Variants in TNN observed in about 807,000 individuals in gnomAD.
TNN encodes tenascin-N.
A neutral mutation model predicts 134.4 loss-of-function variants in TNN; 122 were observed. The observed-to-expected ratio is 0.91, with a 90% CI of 0.78 to 1.06. The LOEUF is 1.06. TNN is among the 50% of genes least tolerant of loss of function. The pLI is 0.00. For missense variants in TNN, 1,739 were observed against 1,699.4 expected (o/e 1.02, Z -0.41); for synonymous variants, 710 against 670.3 (o/e 1.06, Z -0.91).
intron 9 of TNN, among the ~76,000 whole-genome samples, chr1:175,108,044 GTAT>G (rs929860620): frequency 1.3e-5 from 2 of 151,376 alleles, no homozygotes; most frequent in African/African-American, 4.9e-5. Context: ...GCTGATTGGT[GTAT>G]TTACAAACCT....
rs757756990 is a variant in TNN at position 175,117,129 on chromosome 1, T to C, written c.2310T>C (p.Gly770=). ...CTGTCCTGACGGGCCTGAGGCCGGG[T>C]GTGGAGTACACGGTGCACGTGTGGG... The part of the protein sequence containing the change: ...SSTVLTGLRP[G]VEYTVHVWAQ... Residue 770 remains glycine, a synonymous_variant, in exon 10 of 19, where the codon GGT becomes GGC. Transcript: ENST00000239462. 9.3e-6 allele frequency: 15 copies of C among 1,613,972 alleles called. No individual in the cohort carries two copies. Among genetic ancestry groups the C allele is most frequent in the East Asian group, 6.7e-5 (3 of 44,902 alleles).
At chr1:175,104,050 C>G (rs1382605048) in intron 9 of TNN, among the ~76,000 whole-genome samples, 2 of 145,960 alleles carry the variant, frequency 1.4e-5, no homozygotes, top group East Asian at 4.6e-4. Context: ...CTAATATATC[C>G]CTCCCTAATA....
At chr1:175,109,072 A>ATTTTTTTTTTTTTTTTTTTTT (rs1160268455) in intron 9 of TNN, among the ~76,000 whole-genome samples, 6 of 61,982 alleles carry the variant, frequency 9.7e-5, no homozygotes, top group African/African-American at 1.3e-4. Context: ...ATCTAACTGT[A>ATTTTTTTTTTTTTTTTTTTTT]TTTTTTTTTT....
At chr1:175,078,581 C>A (rs1008844605) in intron 2 of TNN, among the ~76,000 whole-genome samples, 3 of 152,118 alleles carry the variant, frequency 2.0e-5, no homozygotes, top group Non-Finnish European at 4.4e-5. Flanking sequence ...ATACAGAACT[C>A]GGCACCAGGG....
At chr1:175,093,050 T>A (rs1674490404) in intron 6 of TNN, among the ~76,000 whole-genome samples, 2 of 152,158 alleles carry the variant, frequency 1.3e-5, no homozygotes, top group Admixed American at 1.3e-4. Context: ...TCAGATCAGG[T>A]CATTCCTCTT....
rs776764321 is a variant in TNN at position 175,117,061 on chromosome 1, G to T, written c.2242G>T (p.Gly748Ter). ...YVVRYTSAKD[G>*]ETREVPVGKE... The stretch of plus-strand genomic sequence containing the variant: ...GGTGCGCTACACCTCTGCCAAGGAC[G>T]GAGAGACCAGGGAGGTTCCGGTGGG... The change falls in exon 10 of 19, where the codon GGA (glycine) becomes TGA (stop). Residue 748 changes from glycine to a stop codon, truncating the protein, a stop_gained. Coordinates refer to ENST00000239462, the MANE Select transcript of TNN (RefSeq NM_022093.2). LOFTEE classifies it high-confidence loss of function. The T allele has an allele frequency of 1.9e-6, 3 of 1,614,244 alleles. No individual in the cohort carries two copies. The highest frequency in any genetic ancestry group is 2.5e-6 in the Non-Finnish European group (3 of 1,180,042).
intron 11 of TNN, among the ~76,000 whole-genome samples, chr1:175,122,028 C>T (rs1323815912): frequency 6.6e-6 from 1 of 152,158 alleles, no homozygotes; most frequent in Non-Finnish European, 1.5e-5. Context: ...GAGCGATTAG[C>T]ATCCAGTTGG....
chr1:175,069,062 T>C (rs1673860752), intron 1 of TNN, among the ~76,000 whole-genome samples: 1 of 152,160 alleles, frequency 6.6e-6, no homozygotes, highest in African/African-American at 2.4e-5. Flanking sequence ...CTTAAAAGCA[T>C]GAAACCTGTG....
chr1:175,076,701 C>T (rs780829634), intron 1 of TNN, among the ~76,000 whole-genome samples: 20 of 152,112 alleles, frequency 1.3e-4, no homozygotes, highest in Admixed American at 6.5e-4. Flanking sequence ...TCTTCCTGGC[C>T]GTGGGACTCA....
intron 1 of TNN, among the ~76,000 whole-genome samples, chr1:175,070,779 C>T (rs1558344379): frequency 6.6e-6 from 1 of 152,292 alleles, no homozygotes; most frequent in Non-Finnish European, 1.5e-5. Flanking sequence ...GAGGTGAAAT[C>T]GGTCCCCTAA....
chr1:175,127,102 T>A lies in TNN; in HGVS notation c.3045+17T>A, dbSNP rs1159386782. On this transcript the variant is annotated intron_variant, in intron 13 of 18. Coordinates refer to ENST00000239462, the MANE Select transcript of TNN (RefSeq NM_022093.2). Reference sequence around the variant, plus strand: ...ACAGTTAAGGTACGGGGATTCCTTGTCTTTTCTCCTGGTGCCTTCTCTTCT... The same window carrying A: ...ACAGTTAAGGTACGGGGATTCCTTGACTTTTCTCCTGGTGCCTTCTCTTCT... 3.7e-6 allele frequency: 6 copies of A among 1,609,636 alleles called. No individual in the cohort carries two copies. Among genetic ancestry groups the A allele is most frequent in the Non-Finnish European group, 4.2e-6 (5 of 1,178,696 alleles).
At chr1:175,113,113 T>C (rs934502029) in intron 9 of TNN, among the ~76,000 whole-genome samples, 2 of 152,248 alleles carry the variant, frequency 1.3e-5, no homozygotes, top group African/African-American at 4.8e-5. Flanking sequence ...GGCTTGATCC[T>C]TTTCTTTCTC....
At position 175,083,933 on chromosome 1, in the gene TNN, CT is replaced by C. The variant is rs1558350328; in HGVS notation, c.1233del (p.Gly412ValfsTer15). 1.2e-6 allele frequency: 2 copies of C among 1,613,588 alleles called. No individual in the cohort carries two copies. The highest frequency in any genetic ancestry group is 1.7e-6 in the Non-Finnish European group (2 of 1,179,800). On this transcript the variant is annotated frameshift_variant and splice_region_variant, in exon 5 of 19. Transcript: ENST00000239462. LOFTEE classifies it high-confidence loss of function. ...SSDPKSRYDITGLHPGTEYKI... is the reference protein window; with the variant it reads ...SSDPKSRYDIXGLHPGTEYKI... ...GACCCCAAGAGCCGATATGACATCA[CT>C]GGTAAGAGCCATCACTGGAATGTGA...
At chr1:175,080,528 G>GA (rs1182425928) in intron 4 of TNN, 102 bp downstream of exon 4, 3 of 1,338,484 alleles carry the variant, frequency 2.2e-6, no homozygotes, top group African/African-American at 1.5e-5. Context: ...TTAGGGGTTT[G>GA]AAAAACACAC....
intron 11 of TNN, among the ~76,000 whole-genome samples, chr1:175,120,955 T>A (rs1175197731): frequency 6.6e-6 from 1 of 152,146 alleles, no homozygotes; most frequent in Non-Finnish European, 1.5e-5. Flanking sequence ...CACGTGCCAC[T>A]AAACCTGTAA....
chr1:175,138,271 G>A (rs962251431), intron 17 of TNN, among the ~76,000 whole-genome samples: 1 of 152,206 alleles, frequency 6.6e-6, no homozygotes, highest in Non-Finnish European at 1.5e-5. Flanking sequence ...CATGAATTTT[G>A]CATTTGTTCT....
At position 175,083,887 on chromosome 1, in the gene TNN, G is replaced by C. The variant is rs761998427; in HGVS notation, c.1186G>C (p.Val396Leu). The change falls in exon 5 of 19, where the codon GTC becomes CTC. Residue 396 changes from valine to leucine, a missense_variant. By Grantham distance (32) the Val-to-Leu change is conservative. Transcript: ENST00000239462. ...CATGACAGGACAGGAGGTAGCTGAG[G>C]TCACTGTGCCCAAGAGCAGTGACCC... Reference protein sequence around the residue: ...GPMTGQEVAEVTVPKSSDPKS... With the variant: ...GPMTGQEVAELTVPKSSDPKS... 20 of 1,614,136 alleles carry C rather than the reference G, an allele frequency of 1.2e-5. No individual in the cohort carries two copies. Among genetic ancestry groups the C allele is most frequent in the Non-Finnish European group, 1.7e-5 (20 of 1,180,026 alleles).
chr1:175,128,068 T>C lies in TNN; in HGVS notation c.3082T>C (p.Leu1028=), dbSNP rs771286667. 2.5e-6 allele frequency: 4 copies of C among 1,614,132 alleles called. No homozygotes were observed. The highest frequency in any genetic ancestry group is 3.4e-6 in the Non-Finnish European group (4 of 1,180,006). ...QLGREDQRFA[L]QGLEQGATYP... ...GGGACGGGAAGACCAGAGGTTTGCG[T>C]TGCAAGGCCTTGAGCAAGGCGCCAC... The change falls in exon 14 of 19, where the codon TTG becomes CTG. Residue 1028 remains leucine, a synonymous_variant. Transcript: ENST00000239462.
At chr1:175,142,363 C>A (rs757688594) in intron 17 of TNN, among the ~76,000 whole-genome samples, 1 of 152,218 alleles carries the variant, frequency 6.6e-6, no homozygotes, top group African/African-American at 2.4e-5. Flanking sequence ...ATTCACCCCA[C>A]CCACTCCAAA....
Sources: allele counts gnomAD v4.1 joint callset (sites outside exome capture counted in the v4.1 genomes callset), GRCh38; gene constraint gnomAD v4.1.1; transcripts MANE v1.5; gene names NCBI Gene and HGNC (gene_info 2026-07-23, HGNC 2026-07-21).